Variants in CDH11 observed in about 807,000 individuals in gnomAD.
The protein encoded by CDH11 is cadherin-11.
Under a neutral mutation model 67.8 loss-of-function variants are expected in CDH11, and 11 were observed. That is an observed-to-expected ratio of 0.16 (90% CI 0.10 to 0.27). The LOEUF is 0.27. CDH11 is among the 10% of genes least tolerant of loss of function. The pLI is 1.00. For synonymous variants in CDH11, 419 were observed against 400.0 expected, an observed-to-expected ratio of 1.05 and a Z score of -0.57; for missense variants, 847 against 1,031.2, an observed-to-expected ratio of 0.82 and a Z score of 2.45.
In CDH11 at chr16:64,971,944, G is replaced by C; in HGVS notation, c.1511C>G (p.Pro504Arg). 6.2e-7 allele frequency: 1 copy of C among 1,614,018 alleles called. No homozygotes were observed. The highest frequency in any genetic ancestry group is 8.5e-7 in the Non-Finnish European group (1 of 1,179,928). ...AAGCAGGATTACCTGGTTGGAAAGTGGCTTGGTCTGATCACTCTCACAGAT... is the reference window on the plus strand; with the variant it reads ...AAGCAGGATTACCTGGTTGGAAAGTCGCTTGGTCTGATCACTCTCACAGAT... ...GFICESDQTK[P>R]LSNQPIVTIS... The change falls in exon 10 of 13, where the codon CCA becomes CGA. Residue 504 changes from proline (P) to arginine (R), a missense_variant. Transcript: ENST00000268603.
At chr16:65,036,409 A>T (rs2073755666) in intron 2 of CDH11, among the ~76,000 whole-genome samples, 1 of 152,134 alleles carries the variant, frequency 6.6e-6, no homozygotes, top group South Asian at 2.1e-4. Flanking sequence ...TTATATTAAT[A>T]GGAAGGTGCC....
chr16:65,088,392 T>G (rs1387399845), intron 1 of CDH11, among the ~76,000 whole-genome samples: 1 of 152,232 alleles, frequency 6.6e-6, no homozygotes, highest in Non-Finnish European at 1.5e-5. Flanking sequence ...TTAGTTGTCA[T>G]GCTAAAATGC....
chr16:64,993,897 C>A (rs1054733368), intron 4 of CDH11, among the ~76,000 whole-genome samples: 1 of 152,110 alleles, frequency 6.6e-6, no homozygotes, highest in Non-Finnish European at 1.5e-5. Flanking sequence ...ATGTATTTTG[C>A]CAGCATTCCT....
At position 65,017,184 on chromosome 16, in the gene CDH11, T is replaced by C. The variant is rs1255763813; in HGVS notation, c.-172-12143A>G. ...CCTGCTAACCTCCTATCTCATCCTG[T>C]AGTGAAGAATGCCTAACCTCCTGGC... On this transcript the variant is annotated intron_variant, in intron 2 of 12. Transcript: ENST00000268603. Among the ~76,000 whole-genome samples, 6 of 152,142 alleles carry C rather than the reference T, an allele frequency of 3.9e-5. No individual in the cohort carries two copies. In the East Asian group the frequency reaches 1.2e-3, roughly 29 times the overall value.
chr16:64,974,552 G>A (rs79613808), intron 8 of CDH11, among the ~76,000 whole-genome samples: 119 of 152,150 alleles, frequency 7.8e-4, no homozygotes, highest in African/African-American at 2.7e-3. Flanking sequence ...CCCACTGAGC[G>A]GCACTTCACA....
intron 2 of CDH11, among the ~76,000 whole-genome samples, chr16:65,016,921 C>T (rs1484416862): frequency 6.6e-6 from 1 of 152,104 alleles, no homozygotes; most frequent in Non-Finnish European, 1.5e-5. Context: ...GGGTTATTCC[C>T]CTTTATAGAC....
At chr16:65,067,096 T>G (rs1160675023) in intron 1 of CDH11, among the ~76,000 whole-genome samples, 1 of 152,210 alleles carries the variant, frequency 6.6e-6, no homozygotes, top group Non-Finnish European at 1.5e-5. Context: ...TTTCTTCTAT[T>G]TAATCCACAG....
At chr16:65,075,626 T>G (rs2074495300) in intron 1 of CDH11, among the ~76,000 whole-genome samples, 1 of 152,190 alleles carries the variant, frequency 6.6e-6, no homozygotes, top group South Asian at 2.1e-4. Context: ...CCAAAGCATA[T>G]TTCAGGAGAC....
intron 1 of CDH11, among the ~76,000 whole-genome samples, chr16:65,091,587 T>C: frequency 6.6e-6 from 1 of 150,952 alleles, no homozygotes; most frequent in Non-Finnish European, 1.5e-5. Flanking sequence ...AGTCTCACTC[T>C]GTGGCCCGGG....
At chr16:65,007,382 A>G (rs2073081969) in intron 2 of CDH11, among the ~76,000 whole-genome samples, 1 of 152,204 alleles carries the variant, frequency 6.6e-6, no homozygotes, top group Non-Finnish European at 1.5e-5. Flanking sequence ...GGATATGTAA[A>G]AGGCTACGTG....
intron 2 of CDH11, among the ~76,000 whole-genome samples, chr16:65,050,950 C>T (rs1402246217): frequency 1.3e-5 from 2 of 152,062 alleles, no homozygotes; most frequent in African/African-American, 4.8e-5. Context: ...TTGAGGAATT[C>T]AAAGGGCCGA....
chr16:65,034,707 C>T (rs184634130), intron 2 of CDH11, among the ~76,000 whole-genome samples: 26 of 152,194 alleles, frequency 1.7e-4, no homozygotes, highest in African/African-American at 6.0e-4. Context: ...GAATTAGAGC[C>T]CCGCACCCTA....
intron 1 of CDH11, among the ~76,000 whole-genome samples, chr16:65,101,763 T>C (rs1395365699): frequency 6.6e-6 from 1 of 152,210 alleles, no homozygotes; most frequent in East Asian, 1.9e-4. Flanking sequence ...TTTTCACTTG[T>C]TTGCTTTCTA....
rs1313158938 is a variant in CDH11 at position 65,068,487 on chromosome 16, T to G, written c.-297-14559A>C. Among the ~76,000 whole-genome samples the G allele has an allele frequency of 2.6e-5, 4 of 151,580 alleles. No homozygotes were observed. In the East Asian group the frequency reaches 7.8e-4, roughly 29 times the overall value. On this transcript the variant is annotated intron_variant, in intron 1 of 12. Transcript: ENST00000268603. ...ATTGGATCTATGAGACTGTCTATTT[T>G]TAGTGGCCTAAAGAAGACTCTCTCC... is the stretch of plus-strand genomic sequence containing the variant.
intron 2 of CDH11, among the ~76,000 whole-genome samples, chr16:65,035,320 C>T (rs977291622): frequency 3.9e-5 from 6 of 152,094 alleles, no homozygotes; most frequent in African/African-American, 9.7e-5. Flanking sequence ...TACAAATGAG[C>T]GAAGTGAGGT....
intron 1 of CDH11, among the ~76,000 whole-genome samples, chr16:65,074,854 G>GT: frequency 6.6e-6 from 1 of 152,126 alleles, no homozygotes; most frequent in East Asian, 1.9e-4. Context: ...TGCAAACATT[G>GT]TAAAAGAAAT....
intron 11 of CDH11, among the ~76,000 whole-genome samples, chr16:64,957,639 C>CATATATATAT (rs36077145): frequency 2.7e-5 from 4 of 146,778 alleles, no homozygotes; most frequent in African/African-American, 1.0e-4. Flanking sequence ...CACACCCATC[C>CATATATATAT]ATATATATAT....
At chr16:65,059,196 G>C (rs1479404396) in intron 1 of CDH11, among the ~76,000 whole-genome samples, 1 of 152,058 alleles carries the variant, frequency 6.6e-6, no homozygotes, top group African/African-American at 2.4e-5. Flanking sequence ...CGTGGTTAGG[G>C]GACACCAGCT....
Position 64,945,216 on chromosome 16 carries a change from A to G in CDH11, c.*2387T>C. On this transcript the variant is annotated 3_prime_UTR_variant, in exon 13 of 13. Transcript: ENST00000268603. Reference sequence around the variant, plus strand: ...GGCAATGTGCTCCAAATGAAAAAGGACTCCACTAGTTGGGAAAGACATTTT... The same window carrying G: ...GGCAATGTGCTCCAAATGAAAAAGGGCTCCACTAGTTGGGAAAGACATTTT... 4.6e-6 allele frequency: 1 copy of G among 216,388 alleles called. No homozygotes were observed. The highest frequency in any genetic ancestry group is 9.0e-6 in the Non-Finnish European group (1 of 111,702). The allele number at this position is 216,388 out of a possible 1,614,324, so 13.4% of individuals were successfully genotyped here.
Sources: allele counts gnomAD v4.1 joint callset (sites outside exome capture counted in the v4.1 genomes callset), GRCh38; gene constraint gnomAD v4.1.1; transcripts MANE v1.5; gene names NCBI Gene and HGNC (gene_info 2026-07-23, HGNC 2026-07-21).